The following CSMD1 variants were observed in gnomAD, a reference collection of about 807,000 sequenced individuals.
CSMD1 encodes the protein CUB and Sushi multiple domains 1, also known as CUB and sushi domain-containing protein 1.
In CSMD1, 213 loss-of-function variants were observed where a neutral mutation model predicts 417.5. The observed-to-expected ratio is 0.51, with a 90% CI of 0.46 to 0.57. The LOEUF (loss-of-function observed/expected upper bound fraction) is 0.57, where lower values mean the gene tolerates loss of function less well. Among genes scored for constraint, CSMD1 ranks in the 20% least tolerant of loss-of-function variants. The pLI is 0.00. For synonymous variants in CSMD1, 2,862 were observed against 1,736.8 expected (o/e 1.65, Z -16.11); for missense variants, 6,923 against 4,529.7 (o/e 1.53, Z -15.17).
intron 46 of CSMD1, among the ~76,000 whole-genome samples, chr8:3,106,074 G>A (rs963760920): frequency 1.3e-5 from 2 of 152,130 alleles, no homozygotes; most frequent in Non-Finnish European, 2.9e-5. Context: ...TAGTTTCATT[G>A]CAATGGGATC....
rs192767378 is a variant in CSMD1, at chr8:4,824,720, A to T, written c.85+169612T>A. Among the ~76,000 whole-genome samples the T allele has an allele frequency of 9.0e-4, 137 of 152,266 alleles. 2 individuals are homozygous for T. The highest frequency in any genetic ancestry group is 3.2e-3 in the African/African-American group (135 of 41,564). Reference sequence around the variant, plus strand: ...ACTGAAATAACTGCTGACATCATGGAATTACTTGGAATAACACTGCTGGAA... The same window carrying T: ...ACTGAAATAACTGCTGACATCATGGTATTACTTGGAATAACACTGCTGGAA... On this transcript the variant is annotated intron_variant, in intron 1 of 69. Coordinates refer to ENST00000635120, the MANE Select transcript of CSMD1 (RefSeq NM_033225.6).
chr8:3,627,722 CA>C (rs1056361981), intron 7 of CSMD1, among the ~76,000 whole-genome samples: 1 of 152,084 alleles, frequency 6.6e-6, no homozygotes, highest in African/African-American at 2.4e-5. Context: ...TTAAGTGTCA[CA>C]AAATCTTTAG....
At chr8:3,792,502 C>A (rs1188246274) in intron 5 of CSMD1, among the ~76,000 whole-genome samples, 1 of 152,096 alleles carries the variant, frequency 6.6e-6, no homozygotes, top group Non-Finnish European at 1.5e-5. Context: ...TTTTGCAACT[C>A]GCTGATTACT....
intron 3 of CSMD1, among the ~76,000 whole-genome samples, chr8:4,302,818 C>A (rs768025640): frequency 2.0e-5 from 3 of 152,132 alleles, no homozygotes; most frequent in Admixed American, 6.6e-5. Context: ...AGTGAAGTCA[C>A]AGGGTCCTAG....
intron 1 of CSMD1, among the ~76,000 whole-genome samples, chr8:4,957,700 T>G (rs1299378573): frequency 1.3e-5 from 2 of 152,192 alleles, no homozygotes; most frequent in Non-Finnish European, 2.9e-5. Flanking sequence ...TAGTAAGATT[T>G]TTTGTTTGTT....
intron 5 of CSMD1, among the ~76,000 whole-genome samples, chr8:3,991,434 A>G (rs1182668526): frequency 6.6e-6 from 1 of 152,210 alleles, no homozygotes; most frequent in Non-Finnish European, 1.5e-5. Flanking sequence ...CTTCATGGTA[A>G]CATCAGCTTG....
chr8:3,853,121 G>C (rs565667083), intron 5 of CSMD1, among the ~76,000 whole-genome samples: 5 of 152,264 alleles, frequency 3.3e-5, no homozygotes, highest in South Asian at 4.1e-4. Flanking sequence ...AAAAGCAGCA[G>C]TGGCAGCAGG....
intron 3 of CSMD1, among the ~76,000 whole-genome samples, chr8:4,392,817 T>G (rs955982577): frequency 6.6e-6 from 1 of 151,278 alleles, no homozygotes; most frequent in African/African-American, 2.4e-5. Context: ...AAAATACAAA[T>G]ATTAGCCGGG....
intron 12 of CSMD1, among the ~76,000 whole-genome samples, chr8:3,424,179 G>C (rs1053177445): frequency 2.6e-5 from 4 of 152,114 alleles, no homozygotes; most frequent in Admixed American, 1.3e-4. Context: ...TTCAATTAGA[G>C]TTTATGATAT....
chr8:4,035,039 G>A (rs1434613511), intron 3 of CSMD1, among the ~76,000 whole-genome samples: 6 of 152,138 alleles, frequency 3.9e-5, no homozygotes, highest in African/African-American at 1.2e-4. Context: ...ACTTTGGTAT[G>A]AATAATGCAA....
At chr8:3,048,328 T>G (rs969075030) in intron 50 of CSMD1, among the ~76,000 whole-genome samples, 4 of 152,196 alleles carry the variant, frequency 2.6e-5, no homozygotes, top group Non-Finnish European at 5.9e-5. Flanking sequence ...CATCATATTC[T>G]GTCGTAGCCA....
chr8:3,227,838 G>A, intron 27 of CSMD1, among the ~76,000 whole-genome samples: 1 of 151,678 alleles, frequency 6.6e-6, no homozygotes, highest in Non-Finnish European at 1.5e-5. Context: ...TGCGATCTTG[G>A]CTCACTGCAA....
At chr8:3,816,250 T>A (rs1033870949) in intron 5 of CSMD1, among the ~76,000 whole-genome samples, 1 of 152,178 alleles carries the variant, frequency 6.6e-6, no homozygotes. Flanking sequence ...CTGGTTACGG[T>A]GCATTCATTT....
chr8:4,157,417 T>C (rs1298609574), intron 3 of CSMD1, among the ~76,000 whole-genome samples: 1 of 152,166 alleles, frequency 6.6e-6, no homozygotes, highest in Non-Finnish European at 1.5e-5. Context: ...TCTATTTTCG[T>C]CCTTTTTCTT....
At chr8:4,305,845 G>C (rs182924890) in intron 3 of CSMD1, among the ~76,000 whole-genome samples, 1 of 152,138 alleles carries the variant, frequency 6.6e-6, no homozygotes, top group Non-Finnish European at 1.5e-5. Context: ...TGCCGATCTT[G>C]TATGGATCCC....
In CSMD1 at chr8:3,108,584, G is replaced by A. The variant is rs369019926; in HGVS notation, c.6754+19C>T. On this transcript the variant is annotated intron_variant, in intron 44 of 69. Coordinates refer to ENST00000635120, the MANE Select transcript of CSMD1 (RefSeq NM_033225.6). The stretch of plus-strand genomic sequence containing the variant: ...CATGGAATTCTCAGTCTTAACTAAC[G>A]GAGTGAAAATCAACTGACCGTGGAA... 1.6e-5 allele frequency: 26 copies of A among 1,612,256 alleles called. 1 individual carries two copies. Among genetic ancestry groups the A allele is most frequent in the Admixed American group, 5.0e-5 (3 of 59,908 alleles).
intron 5 of CSMD1, among the ~76,000 whole-genome samples, chr8:3,919,860 T>A (rs893987059): frequency 6.6e-6 from 1 of 152,170 alleles, no homozygotes; most frequent in African/African-American, 2.4e-5. Context: ...TTGGTTATTT[T>A]TTCCCCAAGT....
At chr8:3,687,387 T>C (rs1799993642) in intron 7 of CSMD1, among the ~76,000 whole-genome samples, 3 of 152,230 alleles carry the variant, frequency 2.0e-5, no homozygotes. Flanking sequence ...AGCAGGGATA[T>C]GGAACTCTGC....
At chr8:4,503,894 C>A (rs1344173732) in intron 2 of CSMD1, among the ~76,000 whole-genome samples, 1 of 151,640 alleles carries the variant, frequency 6.6e-6, no homozygotes, top group African/African-American at 2.4e-5. Context: ...TCCTCTCCTA[C>A]CTGATTCTGC....
Sources: allele counts gnomAD v4.1 joint callset (sites outside exome capture counted in the v4.1 genomes callset), GRCh38; gene constraint gnomAD v4.1.1; transcripts MANE v1.5; gene names NCBI Gene and HGNC (gene_info 2026-07-23, HGNC 2026-07-21).